Variants in PCDH15 observed in about 807,000 individuals in gnomAD.
PCDH15 encodes protocadherin-15.
A neutral mutation model predicts 178.5 loss-of-function variants in PCDH15; 129 were observed. That is an observed-to-expected ratio of 0.72 (90% confidence interval 0.63 to 0.84). The LOEUF (loss-of-function observed/expected upper bound fraction) is 0.84, where lower values mean the gene tolerates loss of function less well. PCDH15 is among the 40% of genes least tolerant of loss of function. The pLI, the probability that PCDH15 is intolerant of heterozygous loss-of-function variation, is 0.00. For missense variants in PCDH15, 2,230 were observed against 2,099.9 expected (o/e 1.06, Z -1.21); for synonymous variants, 800 against 732.0 (o/e 1.09, Z -1.50).
At chr10:54,097,010 G>T (rs2094711961) in intron 15 of PCDH15, among the ~76,000 whole-genome samples, 1 of 151,984 alleles carries the variant, frequency 6.6e-6, no homozygotes, top group Non-Finnish European at 1.5e-5. Flanking sequence ...AAATCATGTA[G>T]TTTTTAACCA....
At chr10:55,430,400 C>G (rs930134576) in intron 2 of PCDH15, among the ~76,000 whole-genome samples, 1 of 152,200 alleles carries the variant, frequency 6.6e-6, no homozygotes, top group Non-Finnish European at 1.5e-5. Context: ...GTCTCTGAAT[C>G]AAGCAAAGGT....
At chr10:53,869,161 T>C (rs1287961879) in intron 26 of PCDH15, among the ~76,000 whole-genome samples, 3 of 152,148 alleles carry the variant, frequency 2.0e-5, no homozygotes, top group Admixed American at 6.6e-5. Context: ...TCACTTTAGA[T>C]AGTTTATATG....
intron 2 of PCDH15, among the ~76,000 whole-genome samples, chr10:55,479,895 T>C (rs888043074): frequency 1.3e-5 from 2 of 151,730 alleles, no homozygotes; most frequent in Admixed American, 1.3e-4. Flanking sequence ...ATCAAGAGAT[T>C]AATCTCATTT....
At chr10:55,341,280 A>T (rs1375304916) in intron 2 of PCDH15, among the ~76,000 whole-genome samples, 2 of 152,070 alleles carry the variant, frequency 1.3e-5, no homozygotes, top group Admixed American at 6.6e-5. Context: ...AATTAATTTT[A>T]AAAACACATA....
chr10:54,234,458 T>C (rs554030241), intron 9 of PCDH15, among the ~76,000 whole-genome samples: 14 of 152,162 alleles, frequency 9.2e-5, no homozygotes, highest in African/African-American at 3.4e-4. Flanking sequence ...GAGGCTAAGG[T>C]GGGAGGATCG....
At chr10:54,464,315 G>T (rs2077383166) in intron 3 of PCDH15, among the ~76,000 whole-genome samples, 1 of 151,978 alleles carries the variant, frequency 6.6e-6, no homozygotes, top group African/African-American at 2.4e-5. Context: ...GAAGAGTATA[G>T]AATTAAGTTT....
chr10:55,342,397 T>C (rs919035590), intron 2 of PCDH15, among the ~76,000 whole-genome samples: 1 of 152,028 alleles, frequency 6.6e-6, no homozygotes, highest in African/African-American at 2.4e-5. Context: ...TTGGAGAAAT[T>C]ATATTAGGTC....
chr10:54,891,036 A>C (rs67662138), intron 3 of PCDH15, among the ~76,000 whole-genome samples: 34,227 of 151,974 alleles, frequency 0.23, 4,536 homozygotes, highest in Non-Finnish European at 0.31. Flanking sequence ...AAAAGGGAAC[A>C]TTATCTCATG....
chr10:55,342,780 G>T (rs1356545333), intron 2 of PCDH15, among the ~76,000 whole-genome samples: 4 of 152,112 alleles, frequency 2.6e-5, no homozygotes, highest in Non-Finnish European at 5.9e-5. Flanking sequence ...CCTCTGAGAA[G>T]AAATAAGCTG....
intron 3 of PCDH15, among the ~76,000 whole-genome samples, chr10:54,403,611 AG>A (rs1952223358): frequency 6.6e-6 from 1 of 152,050 alleles, no homozygotes; most frequent in African/African-American, 2.4e-5. Flanking sequence ...GGCAAGGGAA[AG>A]AAAAAGGGGC....
At chr10:55,599,846 C>T in intron 2 of PCDH15, 1 of 1,196,136 alleles carries the variant, frequency 8.4e-7, no homozygotes, top group Non-Finnish European at 1.1e-6. Context: ...TTGCGGTATC[C>T]TGAACTTGCA....
At chr10:55,168,202 G>A (rs1266293044) in intron 1 of PCDH15, among the ~76,000 whole-genome samples, 3 of 152,064 alleles carry the variant, frequency 2.0e-5, no homozygotes, top group Non-Finnish European at 4.4e-5. Flanking sequence ...GGTGTGATGG[G>A]ATCTTCTAAA....
chr10:55,188,761 T>G (rs1014066446), intron 1 of PCDH15, among the ~76,000 whole-genome samples: 1 of 151,868 alleles, frequency 6.6e-6, no homozygotes, highest in African/African-American at 2.4e-5. Flanking sequence ...TTATCTTATT[T>G]TTACATACAT....
chr10:54,746,363 A>C (rs1945459299), intron 1 of PCDH15, among the ~76,000 whole-genome samples: 1 of 11,754 alleles, frequency 8.5e-5, no homozygotes, highest in Non-Finnish European at 8.4e-4. Context: ...AATGGGTACA[A>C]ACATACAGTT....
chr10:54,454,110 T>C (rs2076660377), intron 3 of PCDH15, among the ~76,000 whole-genome samples: 1 of 150,036 alleles, frequency 6.7e-6, no homozygotes, highest in Non-Finnish European at 1.5e-5. Context: ...TATTTATAAA[T>C]ATAAAACAGA....
At chr10:55,253,952 A>C (rs551244835) in intron 1 of PCDH15, among the ~76,000 whole-genome samples, 3 of 152,364 alleles carry the variant, frequency 2.0e-5, no homozygotes, top group Non-Finnish European at 4.4e-5. Flanking sequence ...AGATAATTAC[A>C]CAAAATGCTG....
chr10:53,813,716 CACA>C (rs2075960330), intron 35 of PCDH15, among the ~76,000 whole-genome samples: 1 of 152,094 alleles, frequency 6.6e-6, no homozygotes, highest in African/African-American at 2.4e-5. Flanking sequence ...TACCACATCG[CACA>C]ACAACATAAA....
At chr10:54,633,425 A>G (rs1280756787) in intron 2 of PCDH15, among the ~76,000 whole-genome samples, 1 of 152,130 alleles carries the variant, frequency 6.6e-6, no homozygotes, top group African/African-American at 2.4e-5. Context: ...AAAGTTGCAG[A>G]GTTTGCTTTG....
chr10:54,444,962 GA>G (rs1438301787), intron 3 of PCDH15, among the ~76,000 whole-genome samples: 2 of 151,280 alleles, frequency 1.3e-5, no homozygotes, highest in Non-Finnish European at 3.0e-5. Context: ...TACTTAATCT[GA>G]CAAAATTAAG....
Sources: gnomAD v4.1 joint callset for allele counts (sites outside exome capture counted in the v4.1 genomes callset) on GRCh38, gnomAD v4.1.1 for gene constraint, MANE v1.5 for transcripts, NCBI Gene and HGNC (gene_info 2026-07-23, HGNC 2026-07-21) for gene names.